The following CTPS1 variants were observed in gnomAD, a reference collection of about 807,000 sequenced individuals.
CTPS1 encodes the protein CTP synthase 1.
Under a neutral mutation model 80.5 loss-of-function variants are expected in CTPS1, and 25 were observed. That is an observed-to-expected ratio of 0.31 (90% CI 0.23 to 0.43). The LOEUF is 0.43. CTPS1 is among the 20% of genes least tolerant of loss of function. CTPS1 has a pLI of 1.00. For missense variants in CTPS1, 442 were observed against 725.7 expected (o/e 0.61, Z 4.49); for synonymous variants, 267 against 252.5 (o/e 1.06, Z -0.54).
rs1651764532 is a variant in CTPS1, at chr1:40,979,763, T to G, written c.-80T>G. 1 of 152,208 alleles carries G rather than the reference T, an allele frequency of 6.6e-6. No individual in the cohort carries two copies. Among genetic ancestry groups the G allele is most frequent in the African/African-American group, 2.4e-5 (1 of 41,440 alleles). The allele number at this position is 152,208 out of a possible 1,614,324, so 9.4% of individuals were successfully genotyped here. A position where few individuals can be genotyped will look rare whatever the true frequency, so the allele number is the denominator to read the frequency against. On this transcript the variant is annotated 5_prime_UTR_variant, in exon 1 of 19. Transcript: ENST00000650070. ...TGCGGTCGGGGTTGTTCACTGGCTG[T>G]CCGGGGCTCCGCGCGCGTCGCCGGC...
In CTPS1 at chr1:41,006,036, A is replaced by G. The variant is rs750469971; in HGVS notation, c.1253-15A>G. The G allele has an allele frequency of 1.2e-6, 2 of 1,603,690 alleles. No individual in the cohort carries two copies. The highest frequency in any genetic ancestry group is 1.7e-6 in the Non-Finnish European group (2 of 1,170,484). The stretch of plus-strand genomic sequence containing the variant: ...GTTTGTAACTATTTTCATAACAAGT[A>G]TTTTGGTATTTCAGATGCCAATTCT... On this transcript the variant is annotated splice_polypyrimidine_tract_variant and intron_variant, in intron 12 of 18. Transcript: ENST00000650070.
At chr1:40,982,451 A>G (rs1642338509) in intron 1 of CTPS1, among the ~76,000 whole-genome samples, 1 of 151,438 alleles carries the variant, frequency 6.6e-6, no homozygotes, top group Admixed American at 6.6e-5. Flanking sequence ...GTGCAGTGGC[A>G]TGATCCCAGC....
At chr1:40,998,414 A>C (rs866449014) in intron 9 of CTPS1, among the ~76,000 whole-genome samples, 11 of 151,266 alleles carry the variant, frequency 7.3e-5, no homozygotes, top group South Asian at 4.2e-4. Flanking sequence ...AAAAAAAAAA[A>C]AAAAAAAACA....
chr1:40,991,836 G>C lies in CTPS1; in HGVS notation c.711G>C (p.Glu237Asp), dbSNP rs1459946330. ...AAATATCAATGTTCTGCCATGTTGA[G>C]CCTGAACAAGTGAGTAGAAATTCCC... Reference protein sequence around the residue: ...KEKISMFCHVEPEQVICVHDV... With the variant: ...KEKISMFCHVDPEQVICVHDV... The change falls in exon 7 of 19, where the codon GAG (glutamate) becomes GAC (aspartate). Residue 237 changes from glutamate to aspartate, a missense_variant. Physicochemically the swap from Glu to Asp is conservative, Grantham distance 45 (BLOSUM62 2). This residue lies in a region of CTPS1 where 321 missense variants were observed against 467.2 expected (regional missense o/e 0.69). Coordinates refer to ENST00000650070, the MANE Select transcript of CTPS1 (RefSeq NM_001905.4). The C allele has an allele frequency of 1.2e-6, 2 of 1,613,486 alleles. No individual in the cohort carries two copies. The highest frequency in any genetic ancestry group is 1.1e-5 in the South Asian group (1 of 91,052).
At chr1:40,992,302 T>G (rs1259599912) in intron 7 of CTPS1, among the ~76,000 whole-genome samples, 1 of 152,190 alleles carries the variant, frequency 6.6e-6, no homozygotes. Context: ...ACTGGGCTCC[T>G]GTGTGGTGTC....
At chr1:40,980,201 C>A (rs1369010728) in intron 1 of CTPS1, 1 of 151,730 alleles carries the variant, frequency 6.6e-6, no homozygotes, top group Admixed American at 6.6e-5. Context: ...GAGCGGCGCC[C>A]CCCCCCACAC....
intron 3 of CTPS1, among the ~76,000 whole-genome samples, chr1:40,986,473 TG>T (rs1642456432): frequency 1.3e-5 from 2 of 152,100 alleles, no homozygotes; most frequent in African/African-American, 4.8e-5. Flanking sequence ...CTCGGAGGAG[TG>T]GGAAGCCACC....
Position 41,003,101 on chromosome 1 carries a change from C to G in CTPS1, c.1190-13C>G. ...CAATGGAGTTTTGTTTGTTTTTTCCCCCCGACTGGAAGGCGTGTGCTTAGG... is the reference window on the plus strand; with the variant it reads ...CAATGGAGTTTTGTTTGTTTTTTCCGCCCGACTGGAAGGCGTGTGCTTAGG... On this transcript the variant is annotated splice_polypyrimidine_tract_variant and intron_variant, in intron 11 of 18. Coordinates refer to ENST00000650070, the MANE Select transcript of CTPS1 (RefSeq NM_001905.4). 6.2e-7 allele frequency: 1 copy of G among 1,613,942 alleles called. No individual in the cohort carries two copies. Among genetic ancestry groups the G allele is most frequent in the Non-Finnish European group, 8.5e-7 (1 of 1,179,912 alleles).
chr1:40,987,591 G>C, intron 4 of CTPS1, 119 bp downstream of exon 4: 1 of 706,272 alleles, frequency 1.4e-6, no homozygotes, highest in Non-Finnish European at 2.4e-6. Flanking sequence ...GCAGTATGTT[G>C]CAATGTGGCA....
At chr1:41,006,791 T>C (rs948914419) in intron 13 of CTPS1, among the ~76,000 whole-genome samples, 2 of 152,242 alleles carry the variant, frequency 1.3e-5, no homozygotes, top group African/African-American at 4.8e-5. Context: ...GACACCGTGC[T>C]AAATGAGACG....
At chr1:40,988,412 T>G (rs766844469) in intron 4 of CTPS1, 182 bp from the exon 5 acceptor site, 5 of 558,548 alleles carry the variant, frequency 9.0e-6, no homozygotes, top group Non-Finnish European at 1.6e-5. Flanking sequence ...TCCAAAAGAA[T>G]AACCTTTTAG....
At chr1:40,997,929 A>G (rs1642797010) in intron 9 of CTPS1, among the ~76,000 whole-genome samples, 1 of 152,164 alleles carries the variant, frequency 6.6e-6, no homozygotes, top group Non-Finnish European at 1.5e-5. Context: ...CAGAGTGGGA[A>G]TGACAGTATT....
In CTPS1 at chr1:40,997,381, G is replaced by A. The variant is rs754482596; in HGVS notation, c.873-13G>A. The A allele has an allele frequency of 3.7e-6, 6 of 1,609,098 alleles. No individual in the cohort carries two copies. The highest frequency in any genetic ancestry group is 3.4e-5 in the Admixed American group (2 of 58,728). On this transcript the variant is annotated splice_polypyrimidine_tract_variant and intron_variant, in intron 8 of 18. Transcript: ENST00000650070. ...TCTGAGTAATTGGGTTTTTCTTGACGTTTATTTGATAGATATGATCGCTTG... is the reference window on the plus strand; with the variant it reads ...TCTGAGTAATTGGGTTTTTCTTGACATTTATTTGATAGATATGATCGCTTG...
At chr1:41,006,231 A>G (rs1383580105) in intron 13 of CTPS1, 137 bp downstream of exon 13, 3 of 676,080 alleles carry the variant, frequency 4.4e-6, no homozygotes, top group Non-Finnish European at 7.7e-6. Context: ...GGGCACTCAG[A>G]CCTACCAGAG....
chr1:40,991,812 A>T lies in CTPS1; in HGVS notation c.687A>T (p.Lys229Asn). ...CACTTGACACATCAGTGAAGGAGAA[A>T]ATATCAATGTTCTGCCATGTTGAGC... ...SNPLDTSVKE[K>N]ISMFCHVEPE... The change falls in exon 7 of 19, where the codon AAA (lysine) becomes AAT (asparagine). Residue 229 changes from lysine to asparagine, a missense_variant. Around this residue, in one of 4 missense-constraint regions of CTPS1, gnomAD observed 321 missense variants for 467.2 expected, o/e 0.69. Coordinates refer to ENST00000650070, the MANE Select transcript of CTPS1 (RefSeq NM_001905.4). 6.2e-7 allele frequency: 1 copy of T among 1,614,106 alleles called. No individual in the cohort carries two copies. The highest frequency in any genetic ancestry group is 8.5e-7 in the Non-Finnish European group (1 of 1,179,962).
chr1:40,983,321 A>G lies in CTPS1; in HGVS notation c.31A>G (p.Ile11Val). 1 of 1,614,094 alleles carries G rather than the reference A, an allele frequency of 6.2e-7. No homozygotes were observed. Among genetic ancestry groups the G allele is most frequent in the Non-Finnish European group, 8.5e-7 (1 of 1,179,984 alleles). The change falls in exon 2 of 19, where the codon ATA becomes GTA. Residue 11 changes from isoleucine to valine, a missense_variant. Physicochemically the swap from Ile to Val is conservative, Grantham distance 29. Transcript: ENST00000650070. MKYILVTGGV[I>V]SGIGKGIIAS... ...GTACATTCTGGTTACTGGTGGTGTT[A>G]TATCAGGAATTGGAAAAGGAATCAT...
chr1:40,990,333 G>A (rs1642571845), intron 5 of CTPS1, among the ~76,000 whole-genome samples: 1 of 152,098 alleles, frequency 6.6e-6, no homozygotes, highest in African/African-American at 2.4e-5. Flanking sequence ...CATATTGGAT[G>A]ACAGATGACC....
chr1:41,009,720 CCT>C, intron 17 of CTPS1, 131 bp downstream of exon 17: 2 of 1,056,372 alleles, frequency 1.9e-6, no homozygotes, highest in Non-Finnish European at 2.7e-6. Flanking sequence ...GTGAAAGTTT[CCT>C]CTCCTTTCCC....
rs1313438794 is a variant in CTPS1, at chr1:41,003,116, G to A, written c.1192G>A (p.Val398Met). The change falls in exon 12 of 19, where the codon GTG becomes ATG. Residue 398 changes from valine to methionine, a missense_variant and splice_region_variant. By Grantham distance (21) the Val-to-Met change is conservative (BLOSUM62 1). Coordinates refer to ENST00000650070, the MANE Select transcript of CTPS1 (RefSeq NM_001905.4). ...TGTTTTTTCCCCCCGACTGGAAGGC[G>A]TGTGCTTAGGGATGCAGTTGGCAGT... Reference protein sequence around the residue: ...ARNQKKPFLGVCLGMQLAVVE... With the variant: ...ARNQKKPFLGMCLGMQLAVVE... 2.5e-6 allele frequency: 4 copies of A among 1,614,184 alleles called. No homozygotes were observed. Among genetic ancestry groups the A allele is most frequent in the Middle Eastern group, 1.6e-4 (1 of 6,062 alleles).
Sources: allele counts gnomAD v4.1 joint callset (sites outside exome capture counted in the v4.1 genomes callset), GRCh38; gene constraint gnomAD v4.1.1; regional missense constraint gnomAD v4.1.1; transcripts MANE v1.5; gene names NCBI Gene and HGNC (gene_info 2026-07-23, HGNC 2026-07-21).